The following FAM220A variants were observed in gnomAD, a reference collection of about 807,000 sequenced individuals.
FAM220A encodes protein FAM220A.
For synonymous variants in FAM220A, 141 were observed against 130.7 expected (o/e 1.08, Z -0.54); for missense variants, 392 against 321.6 (o/e 1.22, Z -1.68).
At chr7:6,348,238 G>GT (rs1554260859) in intron 1 of FAM220A, among the ~76,000 whole-genome samples, 93 of 151,074 alleles carry the variant, frequency 6.2e-4, no homozygotes, top group African/African-American at 2.2e-3. Context: ...AATAAGGGGG[G>GT]GGGTTGCAAA....
chr7:6,331,498 G>C (rs552632902), intron 1 of FAM220A, among the ~76,000 whole-genome samples: 1 of 151,256 alleles, frequency 6.6e-6, no homozygotes, highest in Admixed American at 6.6e-5. Flanking sequence ...ACAGAGTCTT[G>C]CTCTGTCGCC....
rs1414838847 is a variant in FAM220A, at chr7:6,348,794, C to G, written c.-303G>C. On this transcript the variant is annotated 5_prime_UTR_variant, in exon 1 of 2. Transcript: ENST00000313324. ...GCGCTCCCACAGCCCCCCCGCCCGC[C>G]CTCTCCGCGCCGCGTCGCCCCGGCA... is the stretch of plus-strand genomic sequence containing the variant. The G allele has an allele frequency of 2.5e-6, 1 of 396,748 alleles. No individual in the cohort carries two copies. Among genetic ancestry groups the G allele is most frequent in the African/African-American group, 2.1e-5 (1 of 48,496 alleles). 24.6% of individuals were successfully genotyped at this position (396,748 alleles called of 1,614,324 possible).
chr7:6,334,225 G>A (rs1781702066), intron 1 of FAM220A, among the ~76,000 whole-genome samples: 1 of 150,808 alleles, frequency 6.6e-6, no homozygotes, highest in Middle Eastern at 3.4e-3. Flanking sequence ...ACTGTACCCA[G>A]CTAAAGTATT....
intron 1 of FAM220A, among the ~76,000 whole-genome samples, chr7:6,334,624 G>A (rs189759474): frequency 2.0e-3 from 303 of 151,942 alleles, no homozygotes; most frequent in African/African-American, 6.8e-3. Flanking sequence ...ACACCGCCAC[G>A]CCCGGCTAAT....
chr7:6,331,951 G>T (rs1313441437), intron 1 of FAM220A, among the ~76,000 whole-genome samples: 4 of 151,416 alleles, frequency 2.6e-5, no homozygotes, highest in Non-Finnish European at 5.9e-5. Flanking sequence ...TCGCCATGTT[G>T]GCCAGGTGAA....
chr7:6,332,113 G>GAA (rs35433559), intron 1 of FAM220A, among the ~76,000 whole-genome samples: 13 of 129,086 alleles, frequency 1.0e-4, no homozygotes, highest in African/African-American at 1.4e-4. Context: ...CCATCTCACG[G>GAA]AAAAAAAAAA....
intron 1 of FAM220A, among the ~76,000 whole-genome samples, chr7:6,332,041 G>C (rs1419232583): frequency 6.6e-6 from 1 of 151,252 alleles, no homozygotes; most frequent in African/African-American, 2.4e-5. Context: ...GAACCCAGGA[G>C]GTGGAAGTAG....
Position 6,330,369 on chromosome 7 carries a change from T to G in FAM220A, c.*6A>C. 6.2e-7 allele frequency: 1 copy of G among 1,605,804 alleles called. No individual in the cohort carries two copies. Among genetic ancestry groups the G allele is most frequent in the African/African-American group, 1.3e-5 (1 of 74,472 alleles). On this transcript the variant is annotated 3_prime_UTR_variant, in exon 2 of 2. Coordinates refer to ENST00000313324, the MANE Select transcript of FAM220A (RefSeq NM_001037163.2). ...ATTAATCTATTGGTATTGTTCTGCT[T>G]GTACCTTAACTATGGCATAATGTAT...
intron 1 of FAM220A, among the ~76,000 whole-genome samples, chr7:6,331,948 G>A (rs1029700318): frequency 4.0e-5 from 6 of 151,636 alleles, no homozygotes; most frequent in East Asian, 1.9e-4. Flanking sequence ...GGTTCGCCAT[G>A]TTGGCCAGGT....
chr7:6,333,483 A>T (rs1182132733), intron 1 of FAM220A, among the ~76,000 whole-genome samples: 1 of 152,162 alleles, frequency 6.6e-6, no homozygotes, highest in Non-Finnish European at 1.5e-5. Flanking sequence ...GGAGGGACAG[A>T]CTAAAGTTTC....
At position 6,330,753 on chromosome 7, in the gene FAM220A, C is replaced by T. The variant is rs559626348; in HGVS notation, c.402G>A (p.Gly134=). The T allele has an allele frequency of 1.2e-6, 2 of 1,614,134 alleles. No homozygotes were observed. Among genetic ancestry groups the T allele is most frequent in the African/African-American group, 2.7e-5 (2 of 75,032 alleles). ...CTCTGTGGCCGTCAGTGGCCCTGGG[C>T]CCTCCTCCCAGCCAGTCTCGCCGCC... ...ALGRRDWLGG[G]PRATDGHRGQ... is the part of the protein sequence containing the mutation. The change falls in exon 2 of 2, where the codon GGG becomes GGA. Residue 134 remains glycine, a synonymous_variant. Coordinates refer to ENST00000313324, the MANE Select transcript of FAM220A (RefSeq NM_001037163.2).
At chr7:6,331,533 C>T (rs1338885594) in intron 1 of FAM220A, among the ~76,000 whole-genome samples, 1 of 151,844 alleles carries the variant, frequency 6.6e-6, no homozygotes, top group Admixed American at 6.6e-5. Flanking sequence ...AGTTGCATGC[C>T]ACCAAGCCCG....
chr7:6,333,042 A>T (rs1781668475), intron 1 of FAM220A, among the ~76,000 whole-genome samples: 1 of 151,996 alleles, frequency 6.6e-6, no homozygotes, highest in African/African-American at 2.4e-5. Flanking sequence ...CTGTAATCCC[A>T]GCTACCAGGG....
rs143752772 is a variant in FAM220A at position 6,336,310 on chromosome 7, T to C, written c.-81-5075A>G. On this transcript the variant is annotated intron_variant, in intron 1 of 1. Coordinates refer to ENST00000313324, the MANE Select transcript of FAM220A (RefSeq NM_001037163.2). ...CTGCAGTAAGCTGTGATCACACCAC[T>C]ATACTCCAGCCTGCGCAATTAGAGC... Among the ~76,000 whole-genome samples, 287 of 152,104 alleles carry C rather than the reference T, an allele frequency of 1.9e-3. 3 individuals are homozygous for C. In the East Asian group the frequency reaches 0.04, roughly 21 times the overall value.
At chr7:6,341,894 A>T (rs1781864410) in intron 1 of FAM220A, 1 of 151,898 alleles carries the variant, frequency 6.6e-6, no homozygotes, top group Non-Finnish European at 1.5e-5. Flanking sequence ...GCTGCTTGGG[A>T]GGCTGAGGCA....
At chr7:6,344,455 C>T (rs1371207577) in intron 1 of FAM220A, among the ~76,000 whole-genome samples, 1 of 152,082 alleles carries the variant, frequency 6.6e-6, no homozygotes, top group Non-Finnish European at 1.5e-5. Flanking sequence ...CGGGGTCTTG[C>T]TCTGTTGCCC....
intron 1 of FAM220A, among the ~76,000 whole-genome samples, chr7:6,344,062 T>C (rs1251910892): frequency 6.6e-6 from 1 of 151,816 alleles, no homozygotes; most frequent in Non-Finnish European, 1.5e-5. Flanking sequence ...ACTTTTAATG[T>C]TTTGTAGTGA....
chr7:6,339,608 G>A lies in FAM220A; in HGVS notation c.-81-8373C>T, dbSNP rs538406466. Among the ~76,000 whole-genome samples the A allele has an allele frequency of 4.7e-5, 7 of 149,726 alleles. No homozygotes were observed. In the East Asian group the frequency reaches 6.0e-4, roughly 13 times the overall value. On this transcript the variant is annotated intron_variant, in intron 1 of 1. Coordinates refer to ENST00000313324, the MANE Select transcript of FAM220A (RefSeq NM_001037163.2). ...ACGCCATTCCGCTGCCTCAGCCTCC[G>A]GAGTAGCTGGGACTACAGGCGCCCG...
chr7:6,335,576 T>C (rs998884490), intron 1 of FAM220A, among the ~76,000 whole-genome samples: 1 of 152,126 alleles, frequency 6.6e-6, no homozygotes, highest in African/African-American at 2.4e-5. Flanking sequence ...TTTAGTTCAT[T>C]CTTCTTTCTT....
Sources: allele counts gnomAD v4.1 joint callset (sites outside exome capture counted in the v4.1 genomes callset), GRCh38; gene constraint gnomAD v4.1.1; transcripts MANE v1.5; gene names NCBI Gene and HGNC (gene_info 2026-07-23, HGNC 2026-07-21).